The following PBDC1 variants were observed in gnomAD, a reference collection of about 807,000 sequenced individuals.
PBDC1 encodes the protein protein PBDC1.
In PBDC1, 3 loss-of-function variants were observed where a neutral mutation model predicts 12.0. The observed-to-expected ratio is 0.25, with a 90% CI of 0.11 to 0.64. The LOEUF (loss-of-function observed/expected upper bound fraction) is 0.64, where lower values mean the gene tolerates loss of function less well. Ranked by LOEUF, PBDC1 falls within the 30% of genes least tolerant of loss-of-function variation. The pLI is 0.84. For missense variants in PBDC1, 162 were observed against 168.1 expected, an observed-to-expected ratio of 0.96 and a Z score of 0.20; for synonymous variants, 64 against 56.4, an observed-to-expected ratio of 1.13 and a Z score of -0.60.
chrX:76,173,149 C>G lies in PBDC1; in HGVS notation c.11C>G (p.Thr4Ser). The G allele has an allele frequency of 3.4e-6, 4 of 1,179,828 alleles. No individual in the cohort carries two copies. Among genetic ancestry groups the G allele is most frequent in the East Asian group, 6.2e-5 (2 of 32,131 alleles). The stretch of plus-strand genomic sequence containing the variant: ...TTCGGGGGTTGCAAGATGGCGGCCA[C>G]CAGTGGAACTGATGAGCCGGTGAGA... MAA[T>S]SGTDEPVSGE... is the part of the protein sequence containing the mutation. Residue 4 changes from threonine (T) to serine (S), a missense_variant, in exon 1 of 6, where the codon ACC becomes AGC. Physicochemically the swap from Thr to Ser is moderately conservative, Grantham distance 58. Around this residue, in one of 3 missense-constraint regions of PBDC1, gnomAD observed 41 missense variants for 28.5 expected, o/e 1.44. Coordinates refer to ENST00000373358, the MANE Select transcript of PBDC1 (RefSeq NM_016500.5).
In PBDC1 at chrX:76,173,138, G is replaced by A; in HGVS notation, c.-1G>A. On this transcript the variant is annotated 5_prime_UTR_variant, in exon 1 of 6. Coordinates refer to ENST00000373358, the MANE Select transcript of PBDC1 (RefSeq NM_016500.5). ...GGAGCCACGCTTTCGGGGGTTGCAAGATGGCGGCCACCAGTGGAACTGATG... is the reference window on the plus strand; with the variant it reads ...GGAGCCACGCTTTCGGGGGTTGCAAAATGGCGGCCACCAGTGGAACTGATG... The A allele has an allele frequency of 8.5e-7, 1 of 1,178,354 alleles. No individual in the cohort carries two copies. The highest frequency in any genetic ancestry group is 1.1e-6 in the Non-Finnish European group (1 of 878,224).
intron 1 of PBDC1, 38 bp downstream of exon 1, chrX:76,173,206 C>T: frequency 1.8e-6 from 2 of 1,110,213 alleles, no homozygotes; most frequent in South Asian, 4.3e-5. Context: ...GTGGGGAGGT[C>T]GAGCCAGGTG....
intron 1 of PBDC1, 70 bp downstream of exon 1, chrX:76,173,238 T>G: frequency 1.0e-6 from 1 of 959,763 alleles, no homozygotes; most frequent in Non-Finnish European, 1.4e-6. Context: ...TTTTCTTTTT[T>G]GAGACAAGGT....
At position 76,173,116 on chromosome X, in the gene PBDC1, G is replaced by A. The variant is rs1924697149; in HGVS notation, c.-23G>A. ...AGCTTTCCAATCAGCTGCGGAAGGAGCCACGCTTTCGGGGGTTGCAAGATG... is the reference window on the plus strand; with the variant it reads ...AGCTTTCCAATCAGCTGCGGAAGGAACCACGCTTTCGGGGGTTGCAAGATG... On this transcript the variant is annotated 5_prime_UTR_variant, in exon 1 of 6. Transcript: ENST00000373358. The A allele has an allele frequency of 8.5e-7, 1 of 1,174,847 alleles. No homozygotes were observed. The highest frequency in any genetic ancestry group is 3.2e-5 in the East Asian group (1 of 31,707).
At position 76,175,484 on chromosome X, in the gene PBDC1, A is replaced by G; in HGVS notation, c.168A>G (p.Ser56=). 1 of 1,208,754 alleles carries G rather than the reference A, an allele frequency of 8.3e-7. No homozygotes were observed. The highest frequency in any genetic ancestry group is 1.7e-5 in the African/African-American group (1 of 57,753). The part of the protein sequence containing the change: ...HAEVYYKLIS[S]VDPQFLKLTK... ...TTACTGTTTCGCAGCTGATTTCATC[A>G]GTTGACCCACAGTTCCTGAAACTCA... The change falls in exon 4 of 6, where the codon TCA becomes TCG. Residue 56 remains serine, a synonymous_variant. Coordinates refer to ENST00000373358, the MANE Select transcript of PBDC1 (RefSeq NM_016500.5).
chrX:76,174,869 G>A (rs1276419617), intron 2 of PBDC1, 21 bp from the exon 3 acceptor site: 3 of 1,189,966 alleles, frequency 2.5e-6, no homozygotes, highest in East Asian at 3.0e-5. Flanking sequence ...TTATGACCTG[G>A]CATTCTTCAC....
chrX:76,175,287 A>G (rs888491930), intron 3 of PBDC1, among the ~76,000 whole-genome samples, 186 bp from the exon 4 acceptor site: 3 of 112,298 alleles, frequency 2.7e-5, no homozygotes, highest in Non-Finnish European at 5.6e-5. Flanking sequence ...AAATTGGTGG[A>G]AGGGATTGTA....
chrX:76,175,468 C>T lies in PBDC1; in HGVS notation c.157-5C>T, dbSNP rs372138042. 26 of 1,203,725 alleles carry T rather than the reference C, an allele frequency of 2.2e-5. No homozygotes were observed. The highest frequency in any genetic ancestry group is 7.0e-5 in the African/African-American group (4 of 56,958). On this transcript the variant is annotated splice_polypyrimidine_tract_variant and splice_region_variant and intron_variant, in intron 3 of 5. Transcript: ENST00000373358. The stretch of plus-strand genomic sequence containing the variant: ...GCATCTGTATGTTGTCTTACTGTTT[C>T]GCAGCTGATTTCATCAGTTGACCCA...
rs782509303 is a variant in PBDC1 at position 76,173,165 on chromosome X, G to A, written c.27G>A (p.Glu9=). ...TGGCGGCCACCAGTGGAACTGATGA[G>A]CCGGTGAGACGCTGTTCTGGGGTCG... MAATSGTD[E]PVSGELVSVA... is the part of the protein sequence containing the mutation. The change falls in exon 1 of 6, where the codon GAG becomes GAA. Residue 9 remains glutamate (E), a synonymous_variant. Transcript: ENST00000373358. The A allele has an allele frequency of 6.0e-6, 7 of 1,175,204 alleles. No homozygotes were observed. The highest frequency in any genetic ancestry group is 2.5e-5 in the Admixed American group (1 of 40,097).
rs1556797091 is a variant in PBDC1, at chrX:76,177,679, T to A, written c.473T>A (p.Val158Asp). 1 of 1,198,887 alleles carries A rather than the reference T, an allele frequency of 8.3e-7. No homozygotes were observed. Among genetic ancestry groups the A allele is most frequent in the South Asian group, 1.8e-5 (1 of 54,632 alleles). ...ARNREGYNKAVYISVQDKEGE... is the reference protein window; with the variant it reads ...ARNREGYNKADYISVQDKEGE... ...AACCGGGAAGGCTATAACAAAGCTGTTTATATCAGTGTTCAGGACAAAGAA... is the reference window on the plus strand; with the variant it reads ...AACCGGGAAGGCTATAACAAAGCTGATTATATCAGTGTTCAGGACAAAGAA... Residue 158 changes from valine to aspartate, a missense_variant, in exon 6 of 6, where the codon GTT becomes GAT. By Grantham distance (152) the Val-to-Asp change is radical. Transcript: ENST00000373358.
At chrX:76,176,838 C>A in intron 4 of PBDC1, 43 bp from the exon 5 acceptor site, 1 of 891,429 alleles carries the variant, frequency 1.1e-6, no homozygotes, top group Non-Finnish European at 1.7e-6. Context: ...AGTACGTCAG[C>A]CTCTTGCATT....
intron 5 of PBDC1, among the ~76,000 whole-genome samples, 166 bp from the exon 6 acceptor site, chrX:76,177,450 T>C (rs1247994035): frequency 9.0e-6 from 1 of 110,613 alleles, no homozygotes; most frequent in Non-Finnish European, 1.9e-5. Flanking sequence ...ATTCAGGAGA[T>C]TGAGGCAGGA....
rs782704294 is a variant in PBDC1 at position 76,177,967 on chromosome X, G to C, written c.*59G>C. The C allele has an allele frequency of 1.7e-5, 20 of 1,197,156 alleles. No individual in the cohort carries two copies. The Admixed American group carries it at 4.5e-4, about 27-fold the overall frequency. On this transcript the variant is annotated 3_prime_UTR_variant, in exon 6 of 6. Coordinates refer to ENST00000373358, the MANE Select transcript of PBDC1 (RefSeq NM_016500.5). Reference sequence around the variant, plus strand: ...CTCAATTGAGACTACAAGTACCACGGTGCTACTTGCACAGACCCCTTTGGT... The same window carrying C: ...CTCAATTGAGACTACAAGTACCACGCTGCTACTTGCACAGACCCCTTTGGT...
Position 76,175,461 on chromosome X carries a change from A to T in PBDC1, c.157-12A>T. 8.3e-7 allele frequency: 1 copy of T among 1,203,160 alleles called. No homozygotes were observed. Among genetic ancestry groups the T allele is most frequent in the Non-Finnish European group, 1.1e-6 (1 of 888,245 alleles). On this transcript the variant is annotated splice_polypyrimidine_tract_variant and intron_variant, in intron 3 of 5. Transcript: ENST00000373358. ...CAGACTAGCATCTGTATGTTGTCTT[A>T]CTGTTTCGCAGCTGATTTCATCAGT...
At chrX:76,177,335 G>A (rs782010079) in intron 5 of PBDC1, among the ~76,000 whole-genome samples, 2 of 111,027 alleles carry the variant, frequency 1.8e-5, no homozygotes, top group South Asian at 7.6e-4. Context: ...GATCACTTGA[G>A]CTGAGGATTT....
chrX:76,174,670 C>T (rs1924744517), intron 2 of PBDC1, among the ~76,000 whole-genome samples: 1 of 112,042 alleles, frequency 8.9e-6, no homozygotes, highest in Non-Finnish European at 1.9e-5. Context: ...TAGCCGGTGG[C>T]TCATTGTGTT....
At chrX:76,175,993 G>C (rs1924779479) in intron 4 of PBDC1, among the ~76,000 whole-genome samples, 1 of 111,476 alleles carries the variant, frequency 9.0e-6, no homozygotes, top group South Asian at 3.8e-4. Context: ...TGGGTAACTG[G>C]AAAACTTTTG....
chrX:76,176,220 C>G (rs1286273221), intron 4 of PBDC1, among the ~76,000 whole-genome samples: 1 of 107,074 alleles, frequency 9.3e-6, no homozygotes. Flanking sequence ...GTGGTGCCAT[C>G]TCAGCTCACT....
intron 3 of PBDC1, 48 bp from the exon 4 acceptor site, chrX:76,175,425 A>G (rs1556796835): frequency 1.7e-6 from 2 of 1,148,427 alleles, no homozygotes; most frequent in Non-Finnish European, 2.4e-6. Context: ...AGATAGAAGT[A>G]TAGTAAATTA....
Sources: gnomAD v4.1 joint callset for allele counts (sites outside exome capture counted in the v4.1 genomes callset) on GRCh38, gnomAD v4.1.1 for gene constraint, gnomAD v4.1.1 regional missense constraint, MANE v1.5 for transcripts, NCBI Gene and HGNC (gene_info 2026-07-23, HGNC 2026-07-21) for gene names.